The following SYTL2 variants were observed in gnomAD, a reference collection of about 807,000 sequenced individuals.
The protein encoded by SYTL2 is synaptotagmin-like protein 2.
SYTL2 carries 165 observed loss-of-function variants against 198.7 expected under a neutral mutation model. The observed-to-expected ratio is 0.83, with a 90% CI of 0.73 to 0.94. The LOEUF (loss-of-function observed/expected upper bound fraction) is 0.94. SYTL2 is among the 40% of genes least tolerant of loss of function. SYTL2 has a pLI of 0.00. For missense variants in SYTL2, 2,835 were observed against 2,582.8 expected, an observed-to-expected ratio of 1.10 and a Z score of -2.12; for synonymous variants, 966 against 917.7, an observed-to-expected ratio of 1.05 and a Z score of -0.95.
intron 12 of SYTL2, among the ~76,000 whole-genome samples, chr11:85,713,801 A>G (rs1025172354): frequency 1.2e-4 from 19 of 152,236 alleles, no homozygotes; most frequent in Admixed American, 7.2e-4. Context: ...AAGACCGTAC[A>G]GTATATAGTA....
intron 17 of SYTL2, 132 bp downstream of exon 17, chr11:85,700,372 AACTGTGAATAG>A (rs2084092850): frequency 1.8e-6 from 1 of 551,000 alleles, no homozygotes; most frequent in Non-Finnish European, 3.2e-6. Flanking sequence ...TCTTATTTAC[AACTGTGAATAG>A]ACTCATTTGG....
At chr11:85,789,354 A>ATATATATG (rs2092691562) in intron 1 of SYTL2, among the ~76,000 whole-genome samples, 2 of 57,246 alleles carry the variant, frequency 3.5e-5, no homozygotes, top group Non-Finnish European at 6.5e-5. Context: ...ATATATATAT[A>ATATATATG]TATATATATA....
intron 18 of SYTL2, 74 bp downstream of exon 18, chr11:85,697,905 A>G: frequency 1.1e-6 from 1 of 888,532 alleles, no homozygotes; most frequent in Non-Finnish European, 1.9e-6. Flanking sequence ...AGTATTACAG[A>G]TATAGAGAAC....
chr11:85,787,701 C>CTTTT (rs56177666), intron 1 of SYTL2, among the ~76,000 whole-genome samples: 1 of 90,398 alleles, frequency 1.1e-5, no homozygotes, highest in Non-Finnish European at 2.5e-5. Flanking sequence ...TTTTCTTTTC[C>CTTTT]TTTTTTTTTT....
chr11:85,729,307 G>A (rs534555857), intron 7 of SYTL2, among the ~76,000 whole-genome samples: 9 of 152,166 alleles, frequency 5.9e-5, no homozygotes, highest in South Asian at 2.1e-4. Context: ...GCACCACATC[G>A]CACTTATTCT....
intron 8 of SYTL2, 69 bp from the exon 9 acceptor site, chr11:85,721,028 C>T: frequency 2.2e-6 from 2 of 898,754 alleles, no homozygotes. Flanking sequence ...AACATATGGA[C>T]ATAGAAATGG....
chr11:85,746,218 G>A (rs568755372), intron 3 of SYTL2, among the ~76,000 whole-genome samples: 1 of 152,196 alleles, frequency 6.6e-6, no homozygotes, highest in Non-Finnish European at 1.5e-5. Context: ...GATACAAAGG[G>A]GAACAAATGA....
At chr11:85,833,626 C>T in the SYTL2 span, among the ~76,000 whole-genome samples, 1 of 151,552 alleles carries the variant, frequency 6.6e-6, no homozygotes, top group Non-Finnish European at 1.5e-5. Flanking sequence ...AAGAAAACCT[C>T]ACACATAAAT....
chr11:85,719,185 G>C lies in SYTL2; in HGVS notation c.5429-342C>G, dbSNP rs940556495. 151 of 1,283,510 alleles carry C rather than the reference G, an allele frequency of 1.2e-4. 2 individuals are homozygous for C. In the South Asian group the frequency reaches 2.1e-3, roughly 18 times the overall value. 79.5% of individuals were successfully genotyped at this position (1,283,510 alleles called of 1,614,324 possible). On this transcript the variant is annotated intron_variant, in intron 9 of 19. Coordinates refer to ENST00000359152, the MANE Select transcript of SYTL2 (RefSeq NM_206927.4). ...TTCTTCTGTAAAGGGTATGATGCTA[G>C]CCATGACTAACACCTTCCCAAACCC...
In SYTL2 at chr11:85,704,851, G is replaced by C; in HGVS notation, c.6189+7C>G. ...CCAAATAAACAAACAAAAAATTCCG[G>C]ACTCACCTTCCGCTTCAGAGGGTAC... On this transcript the variant is annotated splice_region_variant and intron_variant, in intron 16 of 19. Coordinates refer to ENST00000359152, the MANE Select transcript of SYTL2 (RefSeq NM_206927.4). 2 of 1,609,706 alleles carry C rather than the reference G, an allele frequency of 1.2e-6. No individual in the cohort carries two copies. Among genetic ancestry groups the C allele is most frequent in the Non-Finnish European group, 1.7e-6 (2 of 1,177,408 alleles).
chr11:85,755,122 G>A (rs2091785280), intron 2 of SYTL2, among the ~76,000 whole-genome samples: 1 of 152,194 alleles, frequency 6.6e-6, no homozygotes, highest in South Asian at 2.1e-4. Context: ...AAAAGCCCAT[G>A]GAGTAACATT....
chr11:85,790,730 T>C (rs1357868561), intron 1 of SYTL2, among the ~76,000 whole-genome samples: 1 of 152,170 alleles, frequency 6.6e-6, no homozygotes, highest in Non-Finnish European at 1.5e-5. Context: ...ATGTGCCCTA[T>C]GGTGCTGGCA....
chr11:85,706,534 AG>A (rs2085173249), intron 15 of SYTL2, among the ~76,000 whole-genome samples: 1 of 152,220 alleles, frequency 6.6e-6, no homozygotes, highest in African/African-American at 2.4e-5. Flanking sequence ...GGAGGCAGTT[AG>A]GGAAATAATG....
the SYTL2 span, among the ~76,000 whole-genome samples, chr11:85,820,236 A>G: frequency 1.3e-5 from 2 of 152,258 alleles, no homozygotes; most frequent in African/African-American, 4.8e-5. Flanking sequence ...GTAAATACTA[A>G]ATTTTTAAAA....
chr11:85,737,528 G>A, intron 5 of SYTL2, 47 bp downstream of exon 5: 1 of 1,450,636 alleles, frequency 6.9e-7, no homozygotes, highest in Non-Finnish European at 9.6e-7. Context: ...GAGGAAAAAT[G>A]GCATTCCTAA....
chr11:85,766,798 T>A (rs1488494606), intron 1 of SYTL2, among the ~76,000 whole-genome samples: 1 of 152,186 alleles, frequency 6.6e-6, no homozygotes, highest in African/African-American at 2.4e-5. Flanking sequence ...ATAAAACTTT[T>A]AACCAGAGGA....
intron 2 of SYTL2, among the ~76,000 whole-genome samples, chr11:85,754,249 G>T (rs911213210): frequency 6.6e-6 from 1 of 152,164 alleles, no homozygotes; most frequent in Non-Finnish European, 1.5e-5. Flanking sequence ...TAAATTCCTT[G>T]AGAGCTGGGG....
chr11:85,848,777 G>T, the SYTL2 span, among the ~76,000 whole-genome samples: 3 of 152,180 alleles, frequency 2.0e-5, no homozygotes, highest in African/African-American at 7.2e-5. Context: ...TATAGTCCAG[G>T]TTCCTGGGAT....
rs1467185336 is a variant in SYTL2 at position 85,795,510 on chromosome 11, A to G, written c.-390+15444T>C. ...TGTACCAAAAATTTATTTGTTCATG[A>G]TCAGCACTTTCACTGTATTTTCTAG... On this transcript the variant is annotated intron_variant, in intron 1 of 19. Coordinates refer to ENST00000359152, the MANE Select transcript of SYTL2 (RefSeq NM_206927.4). Among the ~76,000 whole-genome samples the G allele has an allele frequency of 2.6e-5, 4 of 152,122 alleles. 1 individual carries two copies. Among genetic ancestry groups the G allele is most frequent in the Non-Finnish European group, 4.4e-5 (3 of 68,020 alleles).
Sources: allele counts gnomAD v4.1 joint callset (sites outside exome capture counted in the v4.1 genomes callset), GRCh38; gene constraint gnomAD v4.1.1; transcripts MANE v1.5; gene names NCBI Gene and HGNC (gene_info 2026-07-23, HGNC 2026-07-21).